The following FAR1 variants were observed in gnomAD, a reference collection of about 807,000 sequenced individuals.
FAR1 encodes fatty acyl-CoA reductase 1.
Under a neutral mutation model 61.1 loss-of-function variants are expected in FAR1, and 22 were observed. The ratio of observed to expected loss-of-function variants is 0.36; its 90% CI spans 0.26 to 0.51. The LOEUF (loss-of-function observed/expected upper bound fraction) is 0.51. FAR1 is among the 20% of genes least tolerant of loss of function. The pLI, the probability that FAR1 is intolerant of heterozygous loss-of-function variation, is 0.95. For missense variants in FAR1, 359 were observed against 626.9 expected (o/e 0.57, Z 4.56); for synonymous variants, 206 against 209.7 (o/e 0.98, Z 0.15).
chr11:13,687,897 A>G (rs1327988861), intron 1 of FAR1, among the ~76,000 whole-genome samples: 1 of 144,800 alleles, frequency 6.9e-6, no homozygotes, highest in East Asian at 2.1e-4. Context: ...GGAATTGAAC[A>G]ATGAGAACAC....
chr11:13,684,177 T>C (rs1418539378), intron 1 of FAR1, among the ~76,000 whole-genome samples: 4 of 152,224 alleles, frequency 2.6e-5, no homozygotes, highest in African/African-American at 9.6e-5. Context: ...ATTCAGGAAA[T>C]CCATCCTGTT....
At position 13,717,147 on chromosome 11, in the gene FAR1, TCCCCCTCGCGCCTC is replaced by T. The variant is rs1848565606; in HGVS notation, c.1127+2471_1127+2484del. ...TGCTTCTTCCCCACTCATCCTGCCT[TCCCCCTCGCGCCTC>T]CCCATCCCCACCACCGCCCCAGATC... On this transcript the variant is annotated intron_variant, in intron 9 of 11. Transcript: ENST00000354817. Among the ~76,000 whole-genome samples the T allele has an allele frequency of 2.6e-5, 4 of 151,798 alleles. 1 individual carries two copies. The South Asian group carries it at 8.4e-4, about 32-fold the overall frequency.
At chr11:13,695,064 TAG>T in intron 2 of FAR1, 110 bp downstream of exon 2, 1 of 903,876 alleles carries the variant, frequency 1.1e-6, no homozygotes, top group Non-Finnish European at 1.5e-6. Flanking sequence ...CTGAAAAAAT[TAG>T]TAAAACAAAA....
At chr11:13,720,840 T>G (rs1848603427) in intron 9 of FAR1, 1 of 152,012 alleles carries the variant, frequency 6.6e-6, no homozygotes, top group African/African-American at 2.4e-5. Context: ...TTTTTTGGTG[T>G]TTGTTTTGTT....
At chr11:13,720,895 T>G (rs1455217646) in intron 9 of FAR1, 2 of 152,110 alleles carry the variant, frequency 1.3e-5, no homozygotes, top group African/African-American at 4.8e-5. Flanking sequence ...ATAAATATTA[T>G]TGTATAGATG....
chr11:13,678,723 T>G lies in FAR1; in HGVS notation c.-8+9917T>G, dbSNP rs1848093963. On this transcript the variant is annotated intron_variant, in intron 1 of 11. Coordinates refer to ENST00000354817, the MANE Select transcript of FAR1 (RefSeq NM_032228.6). ...CAGGGCTTAGATAGAATTTAGTGGG[T>G]CTTTTTTTTGTTTTTTACCTCAGGA... Among the ~76,000 whole-genome samples the G allele has an allele frequency of 2.3e-5, 2 of 85,858 alleles. 1 individual carries two copies. Among genetic ancestry groups the G allele is most frequent in the African/African-American group, 7.7e-5 (2 of 25,962 alleles). 56.3% of individuals were successfully genotyped at this position (85,858 alleles called of 152,430 possible).
chr11:13,723,638 C>T (rs1848638326), intron 10 of FAR1, among the ~76,000 whole-genome samples: 2 of 152,100 alleles, frequency 1.3e-5, no homozygotes, highest in Non-Finnish European at 2.9e-5. Context: ...AGTGTTTCTT[C>T]AAATATTGCC....
intron 1 of FAR1, among the ~76,000 whole-genome samples, chr11:13,688,177 C>CA (rs1280590864): frequency 0.023 from 3,446 of 147,500 alleles, 144 homozygotes; most frequent in African/African-American, 0.081. Flanking sequence ...TTGTTGGCAG[C>CA]AAAAAAAAAT....
chr11:13,719,224 T>G (rs1302245693), intron 9 of FAR1, among the ~76,000 whole-genome samples: 1 of 152,178 alleles, frequency 6.6e-6, no homozygotes, highest in African/African-American at 2.4e-5. Flanking sequence ...GGAAACAGTC[T>G]TCTTAACTGA....
intron 1 of FAR1, among the ~76,000 whole-genome samples, chr11:13,680,207 C>A (rs1341000311): frequency 6.6e-6 from 1 of 152,098 alleles, no homozygotes; most frequent in Non-Finnish European, 1.5e-5. Context: ...ATAATTTGTA[C>A]ACTTTGGGTT....
At chr11:13,713,341 T>C (rs562942937) in intron 8 of FAR1, among the ~76,000 whole-genome samples, 1 of 152,028 alleles carries the variant, frequency 6.6e-6, no homozygotes, top group South Asian at 2.1e-4. Context: ...GTGCTTTTTT[T>C]CTCCCTTGTG....
intron 1 of FAR1, among the ~76,000 whole-genome samples, chr11:13,678,834 G>C (rs180708067): frequency 6.6e-6 from 1 of 152,200 alleles, no homozygotes; most frequent in Admixed American, 6.5e-5. Context: ...TACCACAAAT[G>C]CTGCCTTGGA....
chr11:13,693,337 T>C (rs938827149), intron 1 of FAR1, among the ~76,000 whole-genome samples: 1 of 152,186 alleles, frequency 6.6e-6, no homozygotes, highest in Non-Finnish European at 1.5e-5. Flanking sequence ...AAATGTATTC[T>C]GAGCGCTATA....
At chr11:13,704,528 A>G (rs2134186978) in intron 3 of FAR1, among the ~76,000 whole-genome samples, 2 of 152,262 alleles carry the variant, frequency 1.3e-5, no homozygotes, top group South Asian at 4.1e-4. Flanking sequence ...CCAAATTTTG[A>G]CTTTTTAATT....
chr11:13,696,830 T>G (rs151142644), intron 2 of FAR1, among the ~76,000 whole-genome samples: 225 of 152,182 alleles, frequency 1.5e-3, no homozygotes, highest in African/African-American at 5.2e-3. Context: ...AGTAAGAAAT[T>G]TTAGGTATGG....
At position 13,732,326 on chromosome 11, in the gene FAR1, GAA is replaced by G. The variant is rs1315898577; in HGVS notation, c.*3556_*3557del. On this transcript the variant is annotated 3_prime_UTR_variant, in exon 12 of 12. Coordinates refer to ENST00000354817, the MANE Select transcript of FAR1 (RefSeq NM_032228.6). ...TGTTAAATCCTTTGTCTTTATTAAA[GAA>G]AAATTTGAGTAACATTAAGTTTGAT... is the stretch of plus-strand genomic sequence containing the variant. 7 of 152,046 alleles carry G rather than the reference GAA, an allele frequency of 4.6e-5. No individual in the cohort carries two copies. The highest frequency in any genetic ancestry group is 8.8e-5 in the Non-Finnish European group (6 of 67,976). 9.4% of individuals were successfully genotyped at this position (152,046 alleles called of 1,614,324 possible).
At chr11:13,701,879 G>GAATT (rs1848379696) in intron 3 of FAR1, among the ~76,000 whole-genome samples, 1 of 152,134 alleles carries the variant, frequency 6.6e-6, no homozygotes. Flanking sequence ...ATGAGCTTTG[G>GAATT]AATTACATAC....
At chr11:13,699,470 T>G (rs775960817) in intron 2 of FAR1, among the ~76,000 whole-genome samples, 2 of 152,212 alleles carry the variant, frequency 1.3e-5, no homozygotes, top group Non-Finnish European at 2.9e-5. Flanking sequence ...AATGTGGAAG[T>G]GAGCACTGAT....
intron 11 of FAR1, among the ~76,000 whole-genome samples, chr11:13,728,258 CT>C (rs1848686463): frequency 1.3e-5 from 2 of 151,866 alleles, no homozygotes; most frequent in South Asian, 4.2e-4. Flanking sequence ...ATGTTTTATG[CT>C]TGGATAAGGG....
Sources: gnomAD v4.1 joint callset for allele counts (sites outside exome capture counted in the v4.1 genomes callset) on GRCh38, gnomAD v4.1.1 for gene constraint, MANE v1.5 for transcripts, NCBI Gene and HGNC (gene_info 2026-07-23, HGNC 2026-07-21) for gene names.